IGSF9B: variants seen among roughly 807,000 people sequenced by gnomAD.
IGSF9B encodes the protein immunoglobulin superfamily member 9B, also known as protein turtle homolog B.
In IGSF9B, 48 loss-of-function variants were observed where a neutral mutation model predicts 143.7. That is an observed-to-expected ratio of 0.33 (90% CI 0.26 to 0.42). The LOEUF is 0.42. Among genes scored for constraint, IGSF9B ranks in the 20% least tolerant of loss-of-function variants. The pLI, the probability that IGSF9B is intolerant of heterozygous loss-of-function variation, is 1.00. For synonymous variants in IGSF9B, 903 were observed against 833.1 expected (o/e 1.08, Z -1.44); for missense variants, 1,706 against 1,980.0 (o/e 0.86, Z 2.63).
chr11:133,952,130 G>T (rs1036364985), intron 1 of IGSF9B: 2 of 441,722 alleles, frequency 4.5e-6, no homozygotes, highest in African/African-American at 4.0e-5. Flanking sequence ...CCCTCTTGGA[G>T]GCCCCATCTC....
rs1349858670 is a variant in IGSF9B at position 133,945,973 on chromosome 11, G to C, written c.262+88C>G. 4.6e-6 allele frequency: 4 copies of C among 862,330 alleles called. No individual in the cohort carries two copies. Among genetic ancestry groups the C allele is most frequent in the Non-Finnish European group, 5.4e-6 (3 of 557,532 alleles). 53.4% of individuals were successfully genotyped at this position (862,330 alleles called of 1,614,324 possible). On this transcript the variant is annotated intron_variant, in intron 2 of 19. Coordinates refer to ENST00000533871, the MANE Select transcript of IGSF9B (RefSeq NM_001277285.4). This position sits in a 1 kb window ranked among gnomAD's most constrained non-coding sequence, Gnocchi z 4.6. The stretch of plus-strand genomic sequence containing the variant: ...GACTGGGAAACAGAGATAAAGAGTG[G>C]TCAGGACAAGGCAGGGGCCAGAGGG...
rs192591536 is a variant in IGSF9B at position 133,931,883 on chromosome 11, C to T, written c.1111-88G>A. On this transcript the variant is annotated intron_variant, in intron 8 of 19. Transcript: ENST00000533871. This position sits in a 1 kb window ranked among gnomAD's most constrained non-coding sequence, Gnocchi z 7.7. The stretch of plus-strand genomic sequence containing the variant: ...TGGGTCCCAGCTGGGCCAGGCAGCA[C>T]GCAGGATAGTACAGGAGCTCCAGCC... The T allele has an allele frequency of 0.014, 21,505 of 1,562,272 alleles. 185 individuals carry two copies. Among genetic ancestry groups the T allele is most frequent in the Non-Finnish European group, 0.017 (19,620 of 1,155,406 alleles).
chr11:133,912,510 C>T (rs989997081), intron 18 of IGSF9B: 2 of 372,684 alleles, frequency 5.4e-6, no homozygotes, highest in Non-Finnish European at 1.1e-5. Flanking sequence ...GTAAGACAGG[C>T]TGCACAAAAC....
chr11:133,914,973 C>T (rs1939354835), intron 18 of IGSF9B, among the ~76,000 whole-genome samples: 1 of 152,136 alleles, frequency 6.6e-6, no homozygotes, highest in East Asian at 1.9e-4. Flanking sequence ...TTCAGTGAAG[C>T]AACTCCATCC....
rs1305416979 is a variant in IGSF9B at position 133,956,913 on chromosome 11, G to A, written c.-159C>T. On this transcript the variant is annotated 5_prime_UTR_variant, in exon 1 of 20. Coordinates refer to ENST00000533871, the MANE Select transcript of IGSF9B (RefSeq NM_001277285.4). The stretch of plus-strand genomic sequence containing the variant: ...GGTGGCCAGCTCTCCATCCCTCCTA[G>A]GCTCCGCTCGGCTCGGCGCGCGCCT... 2 of 392,732 alleles carry A rather than the reference G, an allele frequency of 5.1e-6. No homozygotes were observed. The highest frequency in any genetic ancestry group is 9.1e-6 in the Non-Finnish European group (2 of 219,978). The allele number at this position is 392,732 out of a possible 1,614,324, so 24.3% of individuals were successfully genotyped here.
intron 1 of IGSF9B, among the ~76,000 whole-genome samples, chr11:133,949,831 C>A (rs111937235): frequency 2.6e-5 from 4 of 152,140 alleles, no homozygotes; most frequent in South Asian, 4.1e-4. Context: ...AGGCTCCCCC[C>A]TCAAAGGGGG....
intron 3 of IGSF9B, among the ~76,000 whole-genome samples, chr11:133,940,235 AAAAC>A (rs1400489922): frequency 2.7e-5 from 3 of 109,356 alleles, no homozygotes; most frequent in Non-Finnish European, 5.4e-5. Context: ...ATCGCACGCA[AAAAC>A]ACACACCTCG....
chr11:133,943,717 A>C (rs1377632394), intron 3 of IGSF9B, among the ~76,000 whole-genome samples: 1 of 152,198 alleles, frequency 6.6e-6, no homozygotes, highest in Non-Finnish European at 1.5e-5. Context: ...GCCAGTGTTT[A>C]TCCATCATCA....
rs924885252 is a variant in IGSF9B at position 133,908,139 on chromosome 11, G to A, written c.*930C>T. On this transcript the variant is annotated 3_prime_UTR_variant, in exon 20 of 20. Transcript: ENST00000533871. ...TCACGGCCTGGCTGGGCGGAAGGGCGCCGACGGATGCGCTGGACATGTGCA... is the reference window on the plus strand; with the variant it reads ...TCACGGCCTGGCTGGGCGGAAGGGCACCGACGGATGCGCTGGACATGTGCA... Among the ~76,000 whole-genome samples the A allele has an allele frequency of 3.3e-5, 5 of 152,294 alleles. No individual in the cohort carries two copies. The highest frequency in any genetic ancestry group is 1.9e-4 in the East Asian group (1 of 5,158).
intron 7 of IGSF9B, among the ~76,000 whole-genome samples, chr11:133,935,131 A>G (rs1939799289): frequency 6.6e-6 from 1 of 152,148 alleles, no homozygotes; most frequent in Non-Finnish European, 1.5e-5. Context: ...CGCGGACGCC[A>G]GAGGGAGCAG....
In IGSF9B at chr11:133,920,189, G is replaced by C; in HGVS notation, c.3536C>G (p.Pro1179Arg). The change falls in exon 18 of 20, where the codon CCT becomes CGT. Residue 1179 changes from proline to arginine, a missense_variant. Transcript: ENST00000533871. ...GGCGCGCCTGGCCTGCCGAGGGCTA[G>C]GCCGGGGCCGGGGCTGGGGCTCATA... ...RWYEPQPRPR[P>R]SPRQARRAEP... 1 of 1,513,120 alleles carries C rather than the reference G, an allele frequency of 6.6e-7. No individual in the cohort carries two copies. Among genetic ancestry groups the C allele is most frequent in the Non-Finnish European group, 8.8e-7 (1 of 1,131,044 alleles). The allele number at this position is 1,513,120 out of a possible 1,614,324, so 93.7% of individuals were successfully genotyped here. A position where few individuals can be genotyped will look rare whatever the true frequency, so the allele number is the denominator to read the frequency against.
chr11:133,930,937 AGCCTGCTCTGTCCCCGCCGCCC>A, intron 11 of IGSF9B, 25 bp downstream of exon 11: 1 of 1,545,360 alleles, frequency 6.5e-7, no homozygotes, highest in Non-Finnish European at 8.7e-7. Context: ...GCCCCCAGCC[AGCCTGCTCTGTCCCCGCCGCCC>A]GGCCCAGCCT....
At position 133,909,295 on chromosome 11, in the gene IGSF9B, G is replaced by C. The variant is rs1939265052; in HGVS notation, c.4106-18C>G. 1.3e-6 allele frequency: 2 copies of C among 1,528,342 alleles called. No homozygotes were observed. Among genetic ancestry groups the C allele is most frequent in the Admixed American group, 2.0e-5 (1 of 50,952 alleles). 94.7% of individuals were successfully genotyped at this position (1,528,342 alleles called of 1,614,324 possible). A position where few individuals can be genotyped will look rare whatever the true frequency, so the allele number is the denominator to read the frequency against. Reference sequence around the variant, plus strand: ...AGAATCGTCTAGGAAGAAAGGAAGAGGGACGCAAAAGAGAAGCAAGCGGAT... The same window carrying C: ...AGAATCGTCTAGGAAGAAAGGAAGACGGACGCAAAAGAGAAGCAAGCGGAT... On this transcript the variant is annotated intron_variant, in intron 19 of 19. Coordinates refer to ENST00000533871, the MANE Select transcript of IGSF9B (RefSeq NM_001277285.4). The surrounding 1 kb of genome is among the most constrained non-coding windows in gnomAD (Gnocchi z 4.2).
At chr11:133,955,035 TTTCAGAGCCTTCC>T (rs1281633331) in intron 1 of IGSF9B, among the ~76,000 whole-genome samples, 5 of 152,376 alleles carry the variant, frequency 3.3e-5, no homozygotes, top group Non-Finnish European at 7.3e-5. Flanking sequence ...TCGGAGGCTA[TTTCAGAGCCTTCC>T]TTCAGCGTCT....
rs1277810510 is a variant in IGSF9B, at chr11:133,928,477, A to C, written c.1631+1194T>G. On this transcript the variant is annotated intron_variant, in intron 12 of 19. Coordinates refer to ENST00000533871, the MANE Select transcript of IGSF9B (RefSeq NM_001277285.4). This position sits in a 1 kb window ranked among gnomAD's most constrained non-coding sequence, Gnocchi z 4.7. ...TTCCCTCGCTGCTGAGAAGTGGATA[A>C]AGGGGTCTCCCTGAACCCCCTGAGC... is the stretch of plus-strand genomic sequence containing the variant. 1.3e-5 allele frequency among the ~76,000 whole-genome samples: 2 copies of C among 152,116 alleles called. No homozygotes were observed. Among genetic ancestry groups the C allele is most frequent in the Non-Finnish European group, 2.9e-5 (2 of 68,000 alleles).
rs1939642032 is a variant in IGSF9B at position 133,927,102 on chromosome 11, GAGAGAGAC to G, written c.1632-19_1632-12del. On this transcript the variant is annotated splice_polypyrimidine_tract_variant and intron_variant, in intron 12 of 19. Transcript: ENST00000533871. The stretch of plus-strand genomic sequence containing the variant: ...TGTGCCCGCTTCATCCTGGCCAAAA[GAGAGAGAC>G]AGGATAGGGGACGAGGGGCGGGGTG... 1 of 1,543,942 alleles carries G rather than the reference GAGAGAGAC, an allele frequency of 6.5e-7. No homozygotes were observed. Among genetic ancestry groups the G allele is most frequent in the Non-Finnish European group, 8.8e-7 (1 of 1,140,092 alleles).
At position 133,908,043 on chromosome 11, in the gene IGSF9B, G is replaced by A. The variant is rs1049541480; in HGVS notation, c.*1026C>T. 6.6e-5 allele frequency among the ~76,000 whole-genome samples: 10 copies of A among 152,256 alleles called. No individual in the cohort carries two copies. The highest frequency in any genetic ancestry group is 1.3e-4 in the Non-Finnish European group (9 of 68,050). ...CTGCACAGAGTGCTGAGCCGGGGAC[G>A]GTATAAATAGAGCCGGCAGCTTGGC... On this transcript the variant is annotated 3_prime_UTR_variant, in exon 20 of 20. Coordinates refer to ENST00000533871, the MANE Select transcript of IGSF9B (RefSeq NM_001277285.4).
At chr11:133,933,323 G>A (rs1310343257) in intron 7 of IGSF9B, among the ~76,000 whole-genome samples, 2 of 152,298 alleles carry the variant, frequency 1.3e-5, no homozygotes, top group South Asian at 2.1e-4. Flanking sequence ...AGCAGTCCCC[G>A]CCTCTACATC....
chr11:133,943,166 G>C (rs1939982665), intron 3 of IGSF9B, among the ~76,000 whole-genome samples: 1 of 152,180 alleles, frequency 6.6e-6, no homozygotes, highest in Non-Finnish European at 1.5e-5. Flanking sequence ...AGGACCGTAA[G>C]CTGTATGTGG....
Sources: allele counts gnomAD v4.1 joint callset (sites outside exome capture counted in the v4.1 genomes callset), GRCh38; gene constraint gnomAD v4.1.1; non-coding constraint Gnocchi (gnomAD v3.1); transcripts MANE v1.5; gene names NCBI Gene and HGNC (gene_info 2026-07-23, HGNC 2026-07-21).